The following DIAPH2 variants were observed in gnomAD, a reference collection of about 807,000 sequenced individuals.
The protein encoded by DIAPH2 is diaphanous related formin 2.
A neutral mutation model predicts 92.7 loss-of-function variants in DIAPH2; 35 were observed. That is an observed-to-expected ratio of 0.38 (90% confidence interval 0.29 to 0.50). The LOEUF (loss-of-function observed/expected upper bound fraction) is 0.50, where lower values mean the gene tolerates loss of function less well. Among genes scored for constraint, DIAPH2 ranks in the 20% least tolerant of loss-of-function variants. DIAPH2 has a pLI of 0.94. For missense variants in DIAPH2, 701 were observed against 819.5 expected (o/e 0.86, Z 1.77); for synonymous variants, 301 against 280.4 (o/e 1.07, Z -0.73).
intron 25 of DIAPH2, among the ~76,000 whole-genome samples, chrX:97,408,984 T>C (rs2069838929): frequency 8.9e-6 from 1 of 112,193 alleles, no homozygotes; most frequent in Admixed American, 9.4e-5. Context: ...AAGAGGATGA[T>C]GTTATTAAAC....
intron 24 of DIAPH2, among the ~76,000 whole-genome samples, chrX:97,369,270 A>G (rs938556075): frequency 1.8e-5 from 2 of 111,453 alleles, no homozygotes; most frequent in Non-Finnish European, 3.8e-5. Flanking sequence ...CATAAAGGAT[A>G]TCTATGAATA....
chrX:97,334,993 C>CAAAA (rs1314227612), intron 23 of DIAPH2, among the ~76,000 whole-genome samples: 1,213 of 6,481 alleles, frequency 0.19, 14 homozygotes, highest in Non-Finnish European at 0.38. Flanking sequence ...AAAACAAAAA[C>CAAAA]AAAACAAAAA....
At chrX:97,164,786 G>A (rs987892213) in intron 22 of DIAPH2, among the ~76,000 whole-genome samples, 4 of 111,826 alleles carry the variant, frequency 3.6e-5, no homozygotes, top group Admixed American at 9.5e-5. Context: ...AAACATGAAC[G>A]ATGGGTTAGG....
At chrX:97,591,676 A>G (rs1025880754) in intron 26 of DIAPH2, among the ~76,000 whole-genome samples, 4 of 112,161 alleles carry the variant, frequency 3.6e-5, no homozygotes, top group Non-Finnish European at 7.5e-5. Context: ...AATATGTTTC[A>G]CATATATAAC....
chrX:97,587,508 TA>T lies in DIAPH2; in HGVS notation c.3242-11737del, dbSNP rs893161484. ...AGATTTTCATTGCTTCTCAAGGGCA[TA>T]AAAAAAATACCCTCGCCTATGATGA... On this transcript the variant is annotated intron_variant, in intron 26 of 26. Coordinates refer to ENST00000324765, the MANE Select transcript of DIAPH2 (RefSeq NM_006729.5). Among the ~76,000 whole-genome samples, 14 of 111,520 alleles carry T rather than the reference TA, an allele frequency of 1.3e-4. 1 individual carries two copies. In the South Asian group the frequency reaches 2.2e-3, roughly 18 times the overall value.
At chrX:97,350,430 G>A (rs1323359016) in intron 24 of DIAPH2, among the ~76,000 whole-genome samples, 7 of 111,523 alleles carry the variant, frequency 6.3e-5, no homozygotes, top group Non-Finnish European at 1.1e-4. Flanking sequence ...ACACAGAGTA[G>A]TAGATGGTGT....
At chrX:96,705,441 GCAGA>G (rs1397565702) in intron 1 of DIAPH2, among the ~76,000 whole-genome samples, 6 of 112,216 alleles carry the variant, frequency 5.3e-5, no homozygotes, top group Admixed American at 3.8e-4. Context: ...AATTAAGGAA[GCAGA>G]CAATTAATGG....
At chrX:96,782,121 A>G (rs1183821434) in intron 4 of DIAPH2, among the ~76,000 whole-genome samples, 1 of 110,985 alleles carries the variant, frequency 9.0e-6, no homozygotes, top group Non-Finnish European at 1.9e-5. Context: ...TATTGTAGAG[A>G]CAATGTCTCA....
At chrX:96,802,883 C>G in intron 4 of DIAPH2, among the ~76,000 whole-genome samples, 1 of 111,833 alleles carries the variant, frequency 8.9e-6, no homozygotes, top group Middle Eastern at 4.6e-3. Flanking sequence ...CTGGGGGCTG[C>G]TGGCAAATCA....
intron 17 of DIAPH2, among the ~76,000 whole-genome samples, chrX:97,011,276 A>G (rs1364599195): frequency 8.9e-6 from 1 of 112,141 alleles, no homozygotes; most frequent in Non-Finnish European, 1.9e-5. Flanking sequence ...TCCATTTGAT[A>G]AGCATGTTGT....
chrX:96,746,186 C>T lies in DIAPH2; in HGVS notation c.342+7424C>T, dbSNP rs765172444. Reference sequence around the variant, plus strand: ...AAGTGCTGGGATTATAGGTATGAGCCACGGCACCTGGCTTTGAAATTTCTT... The same window carrying T: ...AAGTGCTGGGATTATAGGTATGAGCTACGGCACCTGGCTTTGAAATTTCTT... On this transcript the variant is annotated intron_variant, in intron 3 of 26. Transcript: ENST00000324765. Among the ~76,000 whole-genome samples the T allele has an allele frequency of 4.5e-5, 5 of 111,769 alleles. No homozygotes were observed. In the South Asian group the frequency reaches 1.9e-3, roughly 42 times the overall value.
At position 97,300,954 on chromosome X, in the gene DIAPH2, AAAAAAAAAAAAG is replaced by A. The variant is rs1296916534; in HGVS notation, c.2845-47159_2845-47148del. Among the ~76,000 whole-genome samples the A allele has an allele frequency of 3.9e-3, 247 of 63,750 alleles. 12 individuals are homozygous for A. Among genetic ancestry groups the A allele is most frequent in the South Asian group, 6.1e-3 (7 of 1,141 alleles). The allele number at this position is 63,750 out of a possible 115,157, so 55.4% of individuals were successfully genotyped here. A position where few individuals can be genotyped will look rare whatever the true frequency, so the allele number is the denominator to read the frequency against. On this transcript the variant is annotated intron_variant, in intron 23 of 26. Transcript: ENST00000324765. ...CTTAAAAAAAAAAAAAAAAAAAAAAAAAAAAAAAAAAGAAGAAGAAGAATGTCTCCATAGTTA... is the reference window on the plus strand; with the variant it reads ...CTTAAAAAAAAAAAAAAAAAAAAAAAAAGAAGAAGAATGTCTCCATAGTTA...
At chrX:97,458,238 T>C (rs73552495) in intron 26 of DIAPH2, among the ~76,000 whole-genome samples, 1,979 of 110,200 alleles carry the variant, frequency 0.018, 45 homozygotes, top group African/African-American at 0.062. Context: ...TTCATCTATC[T>C]CTCCTTTTTT....
chrX:97,000,482 G>A (rs1237039752), intron 17 of DIAPH2, among the ~76,000 whole-genome samples: 1 of 110,863 alleles, frequency 9.0e-6, no homozygotes, highest in Non-Finnish European at 1.9e-5. Flanking sequence ...ATGAGTTTCT[G>A]TAAAACATTT....
rs140995563 is a variant in DIAPH2 at position 96,874,042 on chromosome X, A to G, written c.448-7537A>G. Among the ~76,000 whole-genome samples the G allele has an allele frequency of 7.5e-3, 842 of 112,043 alleles. 7 individuals carry two copies. Among genetic ancestry groups the G allele is most frequent in the African/African-American group, 0.026 (814 of 30,906 alleles). Reference sequence around the variant, plus strand: ...CATAAATGATAGTTAAGGTATTTTCACAAGTGCACTATGTGTGGTATAACA... The same window carrying G: ...CATAAATGATAGTTAAGGTATTTTCGCAAGTGCACTATGTGTGGTATAACA... On this transcript the variant is annotated intron_variant, in intron 4 of 26. Coordinates refer to ENST00000324765, the MANE Select transcript of DIAPH2 (RefSeq NM_006729.5).
At chrX:96,917,938 C>T (rs1478272583) in intron 8 of DIAPH2, among the ~76,000 whole-genome samples, 3 of 110,970 alleles carry the variant, frequency 2.7e-5, no homozygotes, top group Non-Finnish European at 5.7e-5. Context: ...AATGTTAACA[C>T]ATGAAATATC....
rs764063589 is a variant in DIAPH2 at position 97,220,328 on chromosome X, A to G, written c.2720-27387A>G. On this transcript the variant is annotated intron_variant, in intron 22 of 26. Transcript: ENST00000324765. Reference sequence around the variant, plus strand: ...GTATAAATTTCATTCTGACAAGCCCACTTTTTCAGTATGATTTTATCAGTG... The same window carrying G: ...GTATAAATTTCATTCTGACAAGCCCGCTTTTTCAGTATGATTTTATCAGTG... 6.5e-5 allele frequency among the ~76,000 whole-genome samples: 7 copies of G among 107,175 alleles called. No homozygotes were observed. In the South Asian group the frequency reaches 3.0e-3, roughly 46 times the overall value. 93.1% of individuals were successfully genotyped at this position (107,175 alleles called of 115,157 possible).
At chrX:97,130,361 T>C (rs1267994155) in intron 21 of DIAPH2, among the ~76,000 whole-genome samples, 2 of 111,738 alleles carry the variant, frequency 1.8e-5, no homozygotes, top group Non-Finnish European at 3.8e-5. Context: ...CAAATGTCCA[T>C]TGAGTGATGA....
chrX:96,697,001 C>T (rs747519812), intron 1 of DIAPH2, among the ~76,000 whole-genome samples: 21 of 111,316 alleles, frequency 1.9e-4, no homozygotes, highest in Non-Finnish European at 3.6e-4. Context: ...TGGCCACAAA[C>T]GGAGTCAGTG....
Sources: allele counts gnomAD v4.1 joint callset (sites outside exome capture counted in the v4.1 genomes callset), GRCh38; gene constraint gnomAD v4.1.1; transcripts MANE v1.5; gene names NCBI Gene and HGNC (gene_info 2026-07-23, HGNC 2026-07-21).